The following PUM2 variants were observed in gnomAD, a reference collection of about 807,000 sequenced individuals.
The protein encoded by PUM2 is pumilio homolog 2.
A neutral mutation model predicts 124.5 loss-of-function variants in PUM2; 57 were observed. The ratio of observed to expected loss-of-function variants is 0.46; its 90% confidence interval spans 0.37 to 0.57. PUM2 has a LOEUF of 0.57. Ranked by LOEUF, PUM2 falls within the 20% of genes least tolerant of loss-of-function variation. The probability of loss-of-function intolerance (pLI) is 0.00; values close to 1 mark genes in which losing one functional copy is unlikely to be tolerated. For synonymous variants in PUM2, 460 were observed against 446.1 expected (o/e 1.03, Z -0.39); for missense variants, 1,065 against 1,290.6 (o/e 0.83, Z 2.68).
intron 12 of PUM2, among the ~76,000 whole-genome samples, chr2:20,280,196 C>A (rs1671181936): frequency 6.6e-6 from 1 of 151,974 alleles, no homozygotes; most frequent in Non-Finnish European, 1.5e-5. Context: ...GGTAAAAAAA[C>A]CAGGCTTATG....
chr2:20,302,330 T>C lies in PUM2; in HGVS notation c.884-4652A>G, dbSNP rs555428572. On this transcript the variant is annotated intron_variant, in intron 7 of 20. Transcript: ENST00000361078. The stretch of plus-strand genomic sequence containing the variant: ...TTACACTCCTGCCAAAACAGGACAT[T>C]ATCAAACATTCTGAAGACTCGCCAA... Among the ~76,000 whole-genome samples the C allele has an allele frequency of 1.7e-4, 26 of 152,356 alleles. No individual in the cohort carries two copies. The South Asian group carries it at 5.2e-3, about 30-fold the overall frequency.
chr2:20,319,547 T>C (rs1053814483), intron 2 of PUM2, among the ~76,000 whole-genome samples: 2 of 152,242 alleles, frequency 1.3e-5, no homozygotes, highest in African/African-American at 4.8e-5. Flanking sequence ...CTTAAGGGCA[T>C]GGTCTGCTCA....
chr2:20,298,733 T>C (rs1676248053), intron 7 of PUM2, among the ~76,000 whole-genome samples: 3 of 151,742 alleles, frequency 2.0e-5, no homozygotes, highest in South Asian at 4.2e-4. Context: ...TAGCTGGGAG[T>C]GGTGGCAAAC....
At position 20,256,061 on chromosome 2, in the gene PUM2, T is replaced by A. The variant is rs1353725703; in HGVS notation, c.2594A>T (p.Gln865Leu). ...CIECVQPQSL[Q>L]FIIDAFKGQV... is the part of the protein sequence containing the mutation. ...TCCCTTGAAAGCATCAATGATGAAC[T>A]GTAGTGACTGTGGCTGAACACATTC... The change falls in exon 17 of 21, where the codon CAG becomes CTG. Residue 865 changes from glutamine (Q) to leucine (L), a missense_variant. By Grantham distance (113) the Gln-to-Leu change is moderately radical. Transcript: ENST00000361078. 6.3e-7 allele frequency: 1 copy of A among 1,586,570 alleles called. No homozygotes were observed. The highest frequency in any genetic ancestry group is 1.4e-5 in the African/African-American group (1 of 72,996).
intron 10 of PUM2, among the ~76,000 whole-genome samples, chr2:20,285,431 A>G (rs1672502561): frequency 6.6e-6 from 1 of 152,160 alleles, no homozygotes; most frequent in Non-Finnish European, 1.5e-5. Flanking sequence ...ATGGCCCACA[A>G]CATGATCTGG....
At chr2:20,267,451 T>C (rs1020165837) in intron 13 of PUM2, among the ~76,000 whole-genome samples, 6 of 152,188 alleles carry the variant, frequency 3.9e-5, no homozygotes, top group Non-Finnish European at 5.9e-5. Flanking sequence ...GTGAAGGGTA[T>C]AGTTTTGCAA....
chr2:20,313,292 A>C (rs1680090197), intron 3 of PUM2, among the ~76,000 whole-genome samples: 1 of 152,252 alleles, frequency 6.6e-6, no homozygotes, highest in African/African-American at 2.4e-5. Flanking sequence ...ATTTGGGAGA[A>C]AACTTTTGGT....
At chr2:20,315,836 CAAAAAAAAAAAAA>C (rs60828412) in intron 3 of PUM2, among the ~76,000 whole-genome samples, 1 of 72,352 alleles carries the variant, frequency 1.4e-5, no homozygotes, top group Admixed American at 1.6e-4. Flanking sequence ...AACCTGGTCT[CAAAAAAAAAAAAA>C]AAAAAAAAAC....
chr2:20,330,338 G>C (rs1343026809), intron 1 of PUM2, among the ~76,000 whole-genome samples: 2 of 152,242 alleles, frequency 1.3e-5, no homozygotes, highest in Admixed American at 6.5e-5. Context: ...CTGGAGTGAT[G>C]AGTGTCTTCT....
chr2:20,301,795 C>G (rs1677048934), intron 7 of PUM2, among the ~76,000 whole-genome samples: 1 of 152,162 alleles, frequency 6.6e-6, no homozygotes, highest in Non-Finnish European at 1.5e-5. Flanking sequence ...TTAGGCTGGT[C>G]TCAAACTCCT....
At chr2:20,344,852 G>A (rs996986662) in intron 1 of PUM2, among the ~76,000 whole-genome samples, 3 of 151,480 alleles carry the variant, frequency 2.0e-5, no homozygotes, top group Non-Finnish European at 4.4e-5. Flanking sequence ...GCTTCGTGGC[G>A]GGCGCCTGTA....
intron 1 of PUM2, among the ~76,000 whole-genome samples, chr2:20,349,769 T>C (rs1231224766): frequency 6.6e-6 from 1 of 152,206 alleles, no homozygotes; most frequent in Non-Finnish European, 1.5e-5. Context: ...TCTCAACAAG[T>C]AAAAATCTCA....
At chr2:20,252,732 T>TAC (rs1472196575) in intron 20 of PUM2, among the ~76,000 whole-genome samples, 1 of 152,194 alleles carries the variant, frequency 6.6e-6, no homozygotes, top group Non-Finnish European at 1.5e-5. Flanking sequence ...GAGTTAGTAC[T>TAC]ACCTCCCCAC....
intron 2 of PUM2, among the ~76,000 whole-genome samples, chr2:20,323,567 C>T (rs1358634914): frequency 6.6e-6 from 1 of 151,930 alleles, no homozygotes; most frequent in East Asian, 1.9e-4. Context: ...CTTACTGACC[C>T]ACAACATTCA....
chr2:20,309,466 CCTT>C (rs1241236636), intron 5 of PUM2, among the ~76,000 whole-genome samples: 2 of 151,438 alleles, frequency 1.3e-5, no homozygotes, highest in Admixed American at 1.3e-4. Context: ...TATACAGCCT[CCTT>C]AATTTTCACA....
chr2:20,263,079 T>C (rs1043168993), intron 14 of PUM2, 114 bp downstream of exon 14: 32 of 944,146 alleles, frequency 3.4e-5, no homozygotes, highest in Middle Eastern at 5.3e-4. Flanking sequence ...TATTGAATTT[T>C]AGCTCTTAAA....
rs567321970 is a variant in PUM2 at position 20,318,461 on chromosome 2, C to T, written c.160+76G>A. ...AAATGCAAAAATTTGGAGACTCACT[C>T]TAAAAAAAAAGGTGCATTATGACTT... On this transcript the variant is annotated intron_variant, in intron 3 of 20. Transcript: ENST00000361078. The T allele has an allele frequency of 3.8e-5, 51 of 1,326,794 alleles. No homozygotes were observed. The South Asian group carries it at 6.3e-4, about 16-fold the overall frequency. The allele number at this position is 1,326,794 out of a possible 1,614,324, so 82.2% of individuals were successfully genotyped here. A position where few individuals can be genotyped will look rare whatever the true frequency, so the allele number is the denominator to read the frequency against.
chr2:20,311,763 T>C (rs1312444718), intron 4 of PUM2, 100 bp from the exon 5 acceptor site: 5 of 1,191,182 alleles, frequency 4.2e-6, no homozygotes, highest in Non-Finnish European at 5.8e-6. Flanking sequence ...ATGTAAACAA[T>C]AAAAGCATTG....
intron 1 of PUM2, among the ~76,000 whole-genome samples, chr2:20,330,396 T>A (rs1684659611): frequency 1.3e-5 from 2 of 152,174 alleles, no homozygotes; most frequent in Non-Finnish European, 2.9e-5. Context: ...AGGGGAACCA[T>A]CCTTTTGATT....
Sources: allele counts gnomAD v4.1 joint callset (sites outside exome capture counted in the v4.1 genomes callset), GRCh38; gene constraint gnomAD v4.1.1; transcripts MANE v1.5; gene names NCBI Gene and HGNC (gene_info 2026-07-23, HGNC 2026-07-21).